Variants in ZNF268 observed in about 807,000 individuals in gnomAD.
ZNF268 encodes the protein zinc finger protein 268.
Under a neutral mutation model 29.3 loss-of-function variants are expected in ZNF268, and 20 were observed. That is an observed-to-expected ratio of 0.68 (90% CI 0.48 to 0.99). The LOEUF (loss-of-function observed/expected upper bound fraction) is 0.99. Among genes scored for constraint, ZNF268 ranks in the 50% least tolerant of loss-of-function variants. The pLI, the probability that ZNF268 is intolerant of heterozygous loss-of-function variation, is 0.00. For missense variants in ZNF268, 1,240 were observed against 1,121.6 expected (o/e 1.11, Z -1.51); for synonymous variants, 429 against 376.9 (o/e 1.14, Z -1.60).
At chr12:133,188,662 T>C (rs1382428236) in intron 3 of ZNF268, among the ~76,000 whole-genome samples, 2 of 151,816 alleles carry the variant, frequency 1.3e-5, no homozygotes, top group African/African-American at 4.8e-5. Flanking sequence ...TTACGTAATA[T>C]GTATTGTTCG....
chr12:133,193,630 A>G lies in ZNF268; in HGVS notation c.457+1627A>G, dbSNP rs1003932687. Reference sequence around the variant, plus strand: ...CGACTAATCCATTCATGAGGGCACAACTTAATCTTCTCTTAATACCACCAC... The same window carrying G: ...CGACTAATCCATTCATGAGGGCACAGCTTAATCTTCTCTTAATACCACCAC... On this transcript the variant is annotated intron_variant, in intron 5 of 5. Coordinates refer to ENST00000536435, the MANE Select transcript of ZNF268 (RefSeq NM_003415.3). 46 of 482,218 alleles carry G rather than the reference A, an allele frequency of 9.5e-5. No homozygotes were observed. In the East Asian group the frequency reaches 1.3e-3, roughly 14 times the overall value. 29.9% of individuals were successfully genotyped at this position (482,218 alleles called of 1,614,324 possible).
Position 133,202,997 on chromosome 12 carries a change from C to A in ZNF268, c.1311C>A (p.Thr437=), listed in dbSNP as rs749133457. ...TKSNLMVHQR[T]HTGEKPYVCS... is the part of the protein sequence containing the mutation. Reference sequence around the variant, plus strand: ...CAAACCTTATGGTACATCAGAGAACCCATACAGGGGAGAAACCTTATGTTT... The same window carrying A: ...CAAACCTTATGGTACATCAGAGAACACATACAGGGGAGAAACCTTATGTTT... The change falls in exon 6 of 6, where the codon ACC becomes ACA. Residue 437 remains threonine (T), a synonymous_variant. Coordinates refer to ENST00000536435, the MANE Select transcript of ZNF268 (RefSeq NM_003415.3). 1.3e-6 allele frequency: 2 copies of A among 1,548,218 alleles called. No individual in the cohort carries two copies. The highest frequency in any genetic ancestry group is 8.7e-7 in the Non-Finnish European group (1 of 1,152,388).
Position 133,202,891 on chromosome 12 carries a change from A to C in ZNF268, c.1205A>C (p.Gln402Pro). Residue 402 changes from glutamine to proline, a missense_variant, in exon 6 of 6, where the codon CAG becomes CCG. By Grantham distance (76) the Gln-to-Pro change is moderately conservative. Coordinates refer to ENST00000536435, the MANE Select transcript of ZNF268 (RefSeq NM_003415.3). ...GGGAAAGCTTTTGGTTTAAAATCAC[A>C]GCTCATTATACATGAAAGAATTCAT... ...ECGKAFGLKSQLIIHERIHTG... is the reference protein window; with the variant it reads ...ECGKAFGLKSPLIIHERIHTG... 1 of 1,553,012 alleles carries C rather than the reference A, an allele frequency of 6.4e-7. No individual in the cohort carries two copies. Among genetic ancestry groups the C allele is most frequent in the Non-Finnish European group, 8.7e-7 (1 of 1,152,914 alleles).
At chr12:133,191,866 A>G in intron 4 of ZNF268, 42 bp from the exon 5 acceptor site, 3 of 1,593,554 alleles carry the variant, frequency 1.9e-6, no homozygotes, top group Non-Finnish European at 2.6e-6. Flanking sequence ...TCTGAATCTC[A>G]AGCTGTTTGT....
intron 2 of ZNF268, among the ~76,000 whole-genome samples, chr12:133,183,383 C>T (rs1431049615): frequency 6.6e-6 from 1 of 151,584 alleles, no homozygotes; most frequent in Non-Finnish European, 1.5e-5. Context: ...ACCTGTAATC[C>T]CTGTTACTCG....
In ZNF268 at chr12:133,211,042, C is replaced by T. The variant is rs2135536665; in HGVS notation, c.*6512C>T. ...CGAAACTGAAATAGAGTCCATCATT[C>T]CATGCCTTAATTGGAATGGATAGAG... On this transcript the variant is annotated 3_prime_UTR_variant, in exon 6 of 6. Transcript: ENST00000536435. 1 of 455,948 alleles carries T rather than the reference C, an allele frequency of 2.2e-6. No homozygotes were observed. The highest frequency in any genetic ancestry group is 1.5e-5 in the South Asian group (1 of 64,558). 28.2% of individuals were successfully genotyped at this position (455,948 alleles called of 1,614,324 possible).
In ZNF268 at chr12:133,205,184, A is replaced by G. The variant is rs1330058747; in HGVS notation, c.*654A>G. ...AAAAAAAAAAAAAAACCAACCTGTT[A>G]TTATATCTTAATATTAATTTTGAAG... On this transcript the variant is annotated 3_prime_UTR_variant, in exon 6 of 6. Transcript: ENST00000536435. 3 of 145,162 alleles carry G rather than the reference A, an allele frequency of 2.1e-5. 1 individual carries two copies. The highest frequency in any genetic ancestry group is 3.0e-5 in the Non-Finnish European group (2 of 66,124). The allele number at this position is 145,162 out of a possible 1,614,324, so 9.0% of individuals were successfully genotyped here. A position where few individuals can be genotyped will look rare whatever the true frequency, so the allele number is the denominator to read the frequency against.
chr12:133,182,814 T>TA (rs1956212328), intron 2 of ZNF268, among the ~76,000 whole-genome samples: 1 of 152,100 alleles, frequency 6.6e-6, no homozygotes, highest in Non-Finnish European at 1.5e-5. Flanking sequence ...AGAGTTATAT[T>TA]AAAAAATGAG....
intron 3 of ZNF268, among the ~76,000 whole-genome samples, chr12:133,190,759 G>C (rs372821601): frequency 6.6e-6 from 1 of 152,008 alleles, no homozygotes; most frequent in Admixed American, 6.6e-5. Flanking sequence ...TTGTGCCTAC[G>C]TTGTAATCTG....
At chr12:133,184,258 C>T (rs981441743) in intron 2 of ZNF268, among the ~76,000 whole-genome samples, 7 of 151,432 alleles carry the variant, frequency 4.6e-5, no homozygotes, top group East Asian at 1.9e-4. Context: ...TGTGCCACCA[C>T]GCCCAGCTAA....
chr12:133,184,247 G>T (rs934619959), intron 2 of ZNF268, among the ~76,000 whole-genome samples: 3 of 151,876 alleles, frequency 2.0e-5, no homozygotes, highest in Non-Finnish European at 4.4e-5. Flanking sequence ...GACTACAGGC[G>T]TGTGCCACCA....
intron 4 of ZNF268, 106 bp downstream of exon 4, chr12:133,191,721 A>AT: frequency 2.0e-6 from 3 of 1,535,112 alleles, no homozygotes; most frequent in African/African-American, 2.7e-5. Flanking sequence ...TTGGACTTAG[A>AT]TTTTAAGGCC....
chr12:133,192,102 A>C (rs944285725), intron 5 of ZNF268, 99 bp downstream of exon 5: 1 of 876,966 alleles, frequency 1.1e-6, no homozygotes, highest in Admixed American at 3.3e-5. Context: ...GTGTATTACC[A>C]TGCACTTTTT....
rs936487571 is a variant in ZNF268 at position 133,211,688 on chromosome 12, C to G, written c.*7158C>G. 10 of 152,170 alleles carry G rather than the reference C, an allele frequency of 6.6e-5. No homozygotes were observed. The highest frequency in any genetic ancestry group is 2.4e-4 in the African/African-American group (10 of 41,338). 9.4% of individuals were successfully genotyped at this position (152,170 alleles called of 1,614,324 possible). The stretch of plus-strand genomic sequence containing the variant: ...AAAGCAAATTAAAACAACGAGATAG[C>G]ACCGCACATCTATTAAAGTGACTAT... On this transcript the variant is annotated 3_prime_UTR_variant, in exon 6 of 6. Transcript: ENST00000536435.
intron 5 of ZNF268, among the ~76,000 whole-genome samples, chr12:133,200,906 C>T (rs927543076): frequency 3.3e-5 from 5 of 152,076 alleles, no homozygotes; most frequent in Non-Finnish European, 1.5e-5. Context: ...ACTCTCCTCC[C>T]TCCATACCTT....
In ZNF268 at chr12:133,213,698, C is replaced by A; in HGVS notation, c.*9168C>A. The A allele has an allele frequency of 1.0e-5, 1 of 100,234 alleles. No individual in the cohort carries two copies. Among genetic ancestry groups the A allele is most frequent in the African/African-American group, 4.6e-5 (1 of 21,682 alleles). 6.2% of individuals were successfully genotyped at this position (100,234 alleles called of 1,614,324 possible). A position where few individuals can be genotyped will look rare whatever the true frequency, so the allele number is the denominator to read the frequency against. Reference sequence around the variant, plus strand: ...GTGACAGAGCAAGAAAGCAAAATTCCATCTCAAAAAAAAAAAAAAGGCCGG... The same window carrying A: ...GTGACAGAGCAAGAAAGCAAAATTCAATCTCAAAAAAAAAAAAAAGGCCGG... On this transcript the variant is annotated 3_prime_UTR_variant, in exon 6 of 6. Transcript: ENST00000536435.
chr12:133,187,726 T>G, intron 2 of ZNF268, 146 bp from the exon 3 acceptor site: 2 of 768,400 alleles, frequency 2.6e-6, no homozygotes, highest in Admixed American at 2.9e-5. Context: ...AGCCATTTCT[T>G]TTCTGCCTCT....
chr12:133,204,064 C>A lies in ZNF268; in HGVS notation c.2378C>A (p.Ser793Ter). Residue 793 changes from serine to a stop codon, truncating the protein, a stop_gained, in exon 6 of 6, where the codon TCA (serine) becomes TAA (stop). Transcript: ENST00000536435. LOFTEE classifies it low-confidence loss of function (END_TRUNC). ...TGTGGGAAAGCTTTTAGCAGCAAGT[C>A]ATACCTAATTATACACATGAGAACT... ...SECGKAFSSK[S>*]YLIIHMRTHS... 6.4e-7 allele frequency: 1 copy of A among 1,560,128 alleles called. No individual in the cohort carries two copies. Among genetic ancestry groups the A allele is most frequent in the East Asian group, 2.4e-5 (1 of 41,992 alleles).
At position 133,212,069 on chromosome 12, in the gene ZNF268, A is replaced by G. The variant is rs1053584031; in HGVS notation, c.*7539A>G. 2 of 152,242 alleles carry G rather than the reference A, an allele frequency of 1.3e-5. No individual in the cohort carries two copies. The highest frequency in any genetic ancestry group is 3.8e-4 in the East Asian group (2 of 5,200). The allele number at this position is 152,242 out of a possible 1,614,324, so 9.4% of individuals were successfully genotyped here. ...AGCAAGCTCTGAGGCCATGCAGGAC[A>G]TGGATGAATCTGATAGGCATATTGC... On this transcript the variant is annotated 3_prime_UTR_variant, in exon 6 of 6. Transcript: ENST00000536435.
Sources: allele counts gnomAD v4.1 joint callset (sites outside exome capture counted in the v4.1 genomes callset), GRCh38; gene constraint gnomAD v4.1.1; transcripts MANE v1.5; gene names NCBI Gene and HGNC (gene_info 2026-07-23, HGNC 2026-07-21).